Variants in ZNF564 observed in about 807,000 individuals in gnomAD.
The protein encoded by ZNF564 is zinc finger protein 564.
Under a neutral mutation model 10.5 loss-of-function variants are expected in ZNF564, and 5 were observed. The observed-to-expected ratio is 0.48, with a 90% CI of 0.25 to 1.00. The LOEUF (loss-of-function observed/expected upper bound fraction) is 1.00, where lower values mean the gene tolerates loss of function less well. ZNF564 is among the 50% of genes least tolerant of loss of function. The pLI is 0.16. For missense variants in ZNF564, 603 were observed against 669.7 expected (o/e 0.90, Z 1.10); for synonymous variants, 242 against 218.1 (o/e 1.11, Z -0.97).
At position 12,538,965 on chromosome 19, in the gene ZNF564, C is replaced by T. The variant is rs560164999; in HGVS notation, c.4-10269G>A. ...GAGGTAGGCCAGGCGTGGTGGCTCA[C>T]GTCTGTAATCCTAGCACTTTGGGAG... is the stretch of plus-strand genomic sequence containing the variant. On this transcript the variant is annotated intron_variant, in intron 1 of 3. Transcript: ENST00000339282. Among the ~76,000 whole-genome samples, 13 of 150,132 alleles carry T rather than the reference C, an allele frequency of 8.7e-5. No individual in the cohort carries two copies. In the East Asian group the frequency reaches 2.4e-3, roughly 28 times the overall value.
intron 2 of ZNF564, 34 bp from the exon 3 acceptor site, chr19:12,528,398 GAT>G: frequency 6.3e-7 from 1 of 1,584,680 alleles, no homozygotes; most frequent in Non-Finnish European, 8.6e-7. Context: ...CTTATGAACT[GAT>G]AGACATTACA....
At position 12,527,819 on chromosome 19, in the gene ZNF564, G is replaced by A; in HGVS notation, c.289C>T (p.Pro97Ser). Residue 97 changes from proline to serine, a missense_variant, in exon 4 of 4, where the codon CCT becomes TCT. Coordinates refer to ENST00000339282, the MANE Select transcript of ZNF564 (RefSeq NM_144976.4). ...CATTCACATGGTCTTACTATAGTAG[G>A]AATTTTCTTGTTCAGATTAAGATTG... ...ILNLNLNKKI[P>S]TIVRPCECSL... The A allele has an allele frequency of 1.2e-6, 2 of 1,614,110 alleles. No individual in the cohort carries two copies. Among genetic ancestry groups the A allele is most frequent in the Non-Finnish European group, 1.7e-6 (2 of 1,180,012 alleles).
intron 1 of ZNF564, among the ~76,000 whole-genome samples, chr19:12,531,953 T>G (rs2021809012): frequency 6.6e-6 from 1 of 152,104 alleles, no homozygotes. Flanking sequence ...ACACACATAT[T>G]AAAAGTAAAG....
At chr19:12,544,380 G>A (rs139748910) in intron 1 of ZNF564, among the ~76,000 whole-genome samples, 4 of 152,284 alleles carry the variant, frequency 2.6e-5, no homozygotes, top group African/African-American at 9.6e-5. Flanking sequence ...ATTCAGTGTA[G>A]AGCTGTCTAT....
chr19:12,539,975 C>T (rs547971893), intron 1 of ZNF564, among the ~76,000 whole-genome samples: 3 of 148,780 alleles, frequency 2.0e-5, no homozygotes, highest in African/African-American at 7.4e-5. Flanking sequence ...AACGAGACTC[C>T]GTCTCAAAAA....
rs1406270026 is a variant in ZNF564, at chr19:12,528,564, C to T, written c.130+6G>A. 5 of 1,611,442 alleles carry T rather than the reference C, an allele frequency of 3.1e-6. No individual in the cohort carries two copies. Among genetic ancestry groups the T allele is most frequent in the Non-Finnish European group, 4.2e-6 (5 of 1,179,444 alleles). On this transcript the variant is annotated splice_donor_region_variant and intron_variant, in intron 2 of 3. Transcript: ENST00000339282. ...TGACTAAAAGAAGGAATGATGTCAT[C>T]CTTACCTACACAGGCCAGGTTTCTA... is the stretch of plus-strand genomic sequence containing the variant.
At chr19:12,542,493 T>C (rs1445199986) in intron 1 of ZNF564, among the ~76,000 whole-genome samples, 4 of 151,572 alleles carry the variant, frequency 2.6e-5, no homozygotes, top group Non-Finnish European at 5.9e-5. Context: ...TGATAGCACG[T>C]GTCTGTAGTC....
intron 1 of ZNF564, among the ~76,000 whole-genome samples, chr19:12,535,622 T>C (rs1004994648): frequency 1.3e-4 from 20 of 152,166 alleles, no homozygotes; most frequent in Admixed American, 6.5e-4. Context: ...CAAAGTCCAG[T>C]GAATATACAA....
Position 12,525,611 on chromosome 19 carries a change from T to C in ZNF564, c.*835A>G, listed in dbSNP as rs1406318606. The C allele has an allele frequency of 1.3e-5, 2 of 152,254 alleles. No individual in the cohort carries two copies. The highest frequency in any genetic ancestry group is 4.8e-5 in the African/African-American group (2 of 41,474). 9.4% of individuals were successfully genotyped at this position (152,254 alleles called of 1,614,324 possible). A position where few individuals can be genotyped will look rare whatever the true frequency, so the allele number is the denominator to read the frequency against. On this transcript the variant is annotated 3_prime_UTR_variant, in exon 4 of 4. Transcript: ENST00000339282. ...AGCATTGTTACGTGCTTATTGGCCA[T>C]CTGGGTATCTTCTTTGGAGAAATGT...
In ZNF564 at chr19:12,527,515, T is replaced by A. The variant is rs1026515997; in HGVS notation, c.593A>T (p.Lys198Ile). The change falls in exon 4 of 4, where the codon AAA (lysine) becomes ATA (isoleucine). Residue 198 changes from lysine to isoleucine, a missense_variant. Lys to Ile is a moderately radical substitution (Grantham distance 102). Coordinates refer to ENST00000339282, the MANE Select transcript of ZNF564 (RefSeq NM_144976.4). ...MIKHTGDGPYKCQECGKAFDR... is the reference protein window; with the variant it reads ...MIKHTGDGPYICQECGKAFDR... Reference sequence around the variant, plus strand: ...AAAGGCTTTCCCACATTCCTGACATTTATATGGTCCATCTCCAGTGTGCTT... The same window carrying A: ...AAAGGCTTTCCCACATTCCTGACATATATATGGTCCATCTCCAGTGTGCTT... The A allele has an allele frequency of 4.3e-6, 7 of 1,614,062 alleles. No individual in the cohort carries two copies. The highest frequency in any genetic ancestry group is 5.9e-6 in the Non-Finnish European group (7 of 1,179,968).
intron 1 of ZNF564, among the ~76,000 whole-genome samples, chr19:12,543,895 A>G (rs1005619992): frequency 6.6e-6 from 1 of 152,092 alleles, no homozygotes; most frequent in Non-Finnish European, 1.5e-5. Flanking sequence ...GCCCTCATAA[A>G]TGGGATTAGC....
At chr19:12,544,765 T>C (rs1461125916) in intron 1 of ZNF564, among the ~76,000 whole-genome samples, 2 of 152,220 alleles carry the variant, frequency 1.3e-5, no homozygotes, top group Non-Finnish European at 2.9e-5. Flanking sequence ...CAGATTCCTC[T>C]GTCTTGCTCC....
At chr19:12,539,904 C>G (rs12611108) in intron 1 of ZNF564, among the ~76,000 whole-genome samples, 1 of 151,054 alleles carries the variant, frequency 6.6e-6, no homozygotes, top group South Asian at 2.1e-4. Flanking sequence ...TGGCGTGAAT[C>G]TGGGAGGCGG....
intron 1 of ZNF564, among the ~76,000 whole-genome samples, chr19:12,545,134 T>C (rs2022126262): frequency 6.6e-6 from 1 of 151,872 alleles, no homozygotes; most frequent in Admixed American, 6.6e-5. Flanking sequence ...TGGTGGCGCA[T>C]GCCTATAATC....
chr19:12,546,419 AT>A (rs1444683416), intron 1 of ZNF564, among the ~76,000 whole-genome samples: 2 of 152,160 alleles, frequency 1.3e-5, no homozygotes, highest in African/African-American at 2.4e-5. Context: ...GACGTCCTTT[AT>A]TTTACCTATA....
chr19:12,537,724 G>C (rs1415900516), intron 1 of ZNF564, among the ~76,000 whole-genome samples: 1 of 138,622 alleles, frequency 7.2e-6, no homozygotes, highest in African/African-American at 2.6e-5. Flanking sequence ...GGCAACAAGA[G>C]TGAAACTCCG....
At chr19:12,543,481 C>A (rs62110762) in intron 1 of ZNF564, among the ~76,000 whole-genome samples, 3,049 of 151,480 alleles carry the variant, frequency 0.02, 39 homozygotes, top group Non-Finnish European at 0.032. Flanking sequence ...TCGAGACCAG[C>A]CTGGTCAACA....
intron 1 of ZNF564, among the ~76,000 whole-genome samples, chr19:12,537,333 T>G (rs2145078800): frequency 6.6e-6 from 1 of 152,316 alleles, no homozygotes; most frequent in East Asian, 1.9e-4. Context: ...TACAGACTTT[T>G]TCTTCTTTTT....
chr19:12,532,984 TAGTAA>T (rs1054219841), intron 1 of ZNF564: 1 of 152,160 alleles, frequency 6.6e-6, no homozygotes, highest in Non-Finnish European at 1.5e-5. Context: ...TGAAAGGACA[TAGTAA>T]AGTAAATAGC....
Sources: allele counts gnomAD v4.1 joint callset (sites outside exome capture counted in the v4.1 genomes callset), GRCh38; gene constraint gnomAD v4.1.1; transcripts MANE v1.5; gene names NCBI Gene and HGNC (gene_info 2026-07-23, HGNC 2026-07-21).